CPEB1: variants seen among roughly 807,000 people sequenced by gnomAD.
CPEB1 encodes cytoplasmic polyadenylation element-binding protein 1.
CPEB1 carries 7 observed loss-of-function variants against 65.8 expected under a neutral mutation model. The observed-to-expected ratio is 0.11, with a 90% confidence interval of 0.06 to 0.20. The LOEUF (loss-of-function observed/expected upper bound fraction) is 0.20. Among genes scored for constraint, CPEB1 ranks in the 10% least tolerant of loss-of-function variants. CPEB1 has a pLI of 1.00. For synonymous variants in CPEB1, 262 were observed against 260.0 expected (o/e 1.01, Z -0.08); for missense variants, 551 against 712.2 (o/e 0.77, Z 2.58).
intron 3 of CPEB1, among the ~76,000 whole-genome samples, chr15:82,624,818 T>C (rs916393221): frequency 3.4e-5 from 5 of 146,540 alleles, no homozygotes; most frequent in African/African-American, 7.8e-5. Flanking sequence ...CATTGTTGAA[T>C]TGTTGAGTGT....
chr15:82,590,588 T>C (rs2042173529), intron 3 of CPEB1, among the ~76,000 whole-genome samples: 1 of 152,170 alleles, frequency 6.6e-6, no homozygotes, highest in Admixed American at 6.5e-5. Context: ...ACAGATTATT[T>C]TATCACCCAG....
intron 3 of CPEB1, among the ~76,000 whole-genome samples, chr15:82,572,794 C>G (rs1171151006): frequency 6.6e-6 from 1 of 152,190 alleles, no homozygotes. Context: ...CAGGCCCTCT[C>G]TCAGAGGTGC....
intron 3 of CPEB1, among the ~76,000 whole-genome samples, chr15:82,583,675 T>A (rs1341728561): frequency 6.6e-6 from 1 of 151,110 alleles, no homozygotes; most frequent in Non-Finnish European, 1.5e-5. Context: ...AGGTACTTCT[T>A]ATAAGTGTAT....
chr15:82,587,306 T>C (rs2041880180), intron 3 of CPEB1, among the ~76,000 whole-genome samples: 1 of 152,212 alleles, frequency 6.6e-6, no homozygotes, highest in African/African-American at 2.4e-5. Flanking sequence ...ATCAAAACTC[T>C]TTAACTTGGT....
upstream of CPEB1, chr15:82,647,972 G>A: frequency 4.3e-6 from 4 of 935,050 alleles, no homozygotes; most frequent in Non-Finnish European, 5.6e-6. Context: ...GCCGCGCGCA[G>A]CCCCGCACCC....
intron 3 of CPEB1, among the ~76,000 whole-genome samples, chr15:82,586,412 A>G (rs2041807446): frequency 6.6e-6 from 1 of 152,178 alleles, no homozygotes; most frequent in Non-Finnish European, 1.5e-5. Context: ...TAATTTTGTT[A>G]TACTTTTCTA....
In CPEB1 at chr15:82,547,232, C is replaced by T; in HGVS notation, c.1486G>A (p.Gly496Ser). 6.2e-7 allele frequency: 1 copy of T among 1,605,102 alleles called. No homozygotes were observed. Among genetic ancestry groups the T allele is most frequent in the Non-Finnish European group, 8.5e-7 (1 of 1,172,570 alleles). Residue 496 changes from glycine (G) to serine (S), a missense_variant, in exon 11 of 13, where the codon GGT (glycine) becomes AGT (serine). Around this residue, in one of 6 missense-constraint regions of CPEB1, gnomAD observed 98 missense variants for 157.6 expected, o/e 0.62. Transcript: ENST00000684509. ...CGTTGGTTATTGAAAGTCACACGACCAGAACCTAGGACAACAGACACAAGC... is the reference window on the plus strand; with the variant it reads ...CGTTGGTTATTGAAAGTCACACGACTAGAACCTAGGACAACAGACACAAGC... ...TDKHKYPIGSGRVTFNNQRSY... is the reference protein window; with the variant it reads ...TDKHKYPIGSSRVTFNNQRSY...
intron 3 of CPEB1, among the ~76,000 whole-genome samples, chr15:82,591,734 AG>A (rs1191031442): frequency 6.6e-6 from 1 of 152,128 alleles, no homozygotes; most frequent in African/African-American, 2.4e-5. Context: ...CTGTCTCTAC[AG>A]ATTTACCTAT....
chr15:82,639,387 C>T lies in CPEB1; in HGVS notation c.-98+7750G>A, dbSNP rs539054402. Among the ~76,000 whole-genome samples the T allele has an allele frequency of 3.3e-5, 5 of 152,282 alleles. No homozygotes were observed. In the South Asian group the frequency reaches 1.0e-3, roughly 32 times the overall value. On this transcript the variant is annotated intron_variant, in intron 1 of 12. Transcript: ENST00000684509. ...CCTGTGCCCTTTCCCACACTATCCC[C>T]CAAAGAGTTTACTATTCAGGCTTCT...
intron 3 of CPEB1, chr15:82,572,934 G>A (rs1464762877): frequency 1.7e-6 from 2 of 1,149,426 alleles, no homozygotes; most frequent in Non-Finnish European, 2.3e-6. Flanking sequence ...TTTCCAACAT[G>A]AGCCCAGGGT....
chr15:82,590,146 T>C (rs1261974415), intron 3 of CPEB1, among the ~76,000 whole-genome samples: 3 of 149,432 alleles, frequency 2.0e-5, no homozygotes, highest in Non-Finnish European at 2.9e-5. Flanking sequence ...TAGAAGAGTT[T>C]ATTAGTGTTG....
rs1468265726 is a variant in CPEB1, at chr15:82,543,987, G to C, written c.*605C>G. 6.6e-6 allele frequency: 1 copy of C among 152,180 alleles called. No homozygotes were observed. The highest frequency in any genetic ancestry group is 2.4e-5 in the African/African-American group (1 of 41,388). The allele number at this position is 152,180 out of a possible 1,614,324, so 9.4% of individuals were successfully genotyped here. On this transcript the variant is annotated 3_prime_UTR_variant, in exon 13 of 13. Transcript: ENST00000684509. ...GTTTTAAGGAGTGTAAAAAGGAACC[G>C]GTAAAAACCCTCGAGCGTAAAATAT... is the stretch of plus-strand genomic sequence containing the variant.
chr15:82,647,742 C>T, upstream of CPEB1: 4 of 995,082 alleles, frequency 4.0e-6, no homozygotes, highest in Non-Finnish European at 5.1e-6. Context: ...CCGGGACTCG[C>T]CCGCACGGGG....
At chr15:82,560,492 C>T (rs1484159139) in intron 4 of CPEB1, among the ~76,000 whole-genome samples, 3 of 150,468 alleles carry the variant, frequency 2.0e-5, no homozygotes, top group African/African-American at 4.9e-5. Context: ...TGGGCTCAAG[C>T]GATCTTCCCA....
At chr15:82,643,825 T>A (rs587652187) in intron 1 of CPEB1, among the ~76,000 whole-genome samples, 34 of 152,102 alleles carry the variant, frequency 2.2e-4, no homozygotes, top group East Asian at 5.8e-4. Context: ...TTTAAAAAAA[T>A]TTTTTTTAAC....
At chr15:82,628,129 G>T (rs1480890184) in intron 2 of CPEB1, 2 of 690,026 alleles carry the variant, frequency 2.9e-6, no homozygotes, top group South Asian at 1.5e-5. Context: ...AAGTCTAGAA[G>T]AATTACACCA....
intron 9 of CPEB1, among the ~76,000 whole-genome samples, chr15:82,551,722 C>T (rs931295304): frequency 6.6e-6 from 1 of 152,228 alleles, no homozygotes. Flanking sequence ...ATTTTACCAC[C>T]GCACTGATTC....
intron 6 of CPEB1, among the ~76,000 whole-genome samples, chr15:82,554,890 G>A (rs919657248): frequency 2.6e-5 from 4 of 152,198 alleles, no homozygotes; most frequent in Non-Finnish European, 4.4e-5. Flanking sequence ...CCAAAAGCAT[G>A]GTAATGTCAT....
rs543733675 is a variant in CPEB1, at chr15:82,568,653, A to G, written c.460+2691T>C. 4.6e-5 allele frequency among the ~76,000 whole-genome samples: 7 copies of G among 152,334 alleles called. No individual in the cohort carries two copies. In the South Asian group the frequency reaches 1.2e-3, roughly 27 times the overall value. On this transcript the variant is annotated intron_variant, in intron 4 of 12. Transcript: ENST00000684509. ...GAGAATGGTATCCATGTACCAGCCT[A>G]AAGCTAAGAATCCAATGAAAGGTTG...
Sources: allele counts gnomAD v4.1 joint callset (sites outside exome capture counted in the v4.1 genomes callset), GRCh38; gene constraint gnomAD v4.1.1; regional missense constraint gnomAD v4.1.1; transcripts MANE v1.5; gene names NCBI Gene and HGNC (gene_info 2026-07-23, HGNC 2026-07-21).